CSF1R: variants seen among roughly 807,000 people sequenced by gnomAD.
CSF1R encodes the protein macrophage colony-stimulating factor 1 receptor.
CSF1R carries 40 observed loss-of-function variants against 110.0 expected under a neutral mutation model. The observed-to-expected ratio is 0.36, with a 90% confidence interval of 0.28 to 0.47. The LOEUF is 0.47. Ranked by LOEUF, CSF1R falls within the 20% of genes least tolerant of loss-of-function variation. The pLI is 0.99. For missense variants in CSF1R, 1,052 were observed against 1,253.0 expected (o/e 0.84, Z 2.42); for synonymous variants, 523 against 503.4 (o/e 1.04, Z -0.52).
chr5:150,085,665 G>A (rs138155992), intron 1 of CSF1R, among the ~76,000 whole-genome samples: 2 of 151,946 alleles, frequency 1.3e-5, no homozygotes, highest in East Asian at 3.9e-4. Flanking sequence ...CCCTCCTCTA[G>A]CCCTATACCT....
intron 6 of CSF1R, among the ~76,000 whole-genome samples, chr5:150,072,291 C>A (rs868223693): frequency 6.6e-6 from 1 of 152,048 alleles, no homozygotes; most frequent in Non-Finnish European, 1.5e-5. Flanking sequence ...GTCAGGAGTT[C>A]GAGACCAGCC....
chr5:150,059,760 T>C lies in CSF1R; in HGVS notation c.2072A>G (p.Gln691Arg), dbSNP rs564070549. Residue 691 changes from glutamine (Q) to arginine (R), a missense_variant, in exon 14 of 21, where the codon CAG (glutamine) becomes CGG (arginine). Gln to Arg is a conservative substitution (Grantham distance 43, BLOSUM62 1). This residue lies in a region of CSF1R where 124 missense variants were observed against 117.7 expected (regional missense o/e 1.05). Coordinates refer to ENST00000675795, the MANE Select transcript of CSF1R (RefSeq NM_001288705.3). ...ATAGTCGACGCCTCCCTCGGGGTCC[T>C]GGCCGGGGCTCAGGCTGGGTCCCAG... ...AMLGPSLSPG[Q>R]DPEGGVDYKN... 1 of 1,614,150 alleles carries C rather than the reference T, an allele frequency of 6.2e-7. No individual in the cohort carries two copies. The highest frequency in any genetic ancestry group is 1.1e-5 in the South Asian group (1 of 91,086).
chr5:150,090,966 G>A (rs149714038), upstream of CSF1R, among the ~76,000 whole-genome samples: 258 of 152,188 alleles, frequency 1.7e-3, no homozygotes, highest in African/African-American at 5.9e-3. Flanking sequence ...ATCTACTCCC[G>A]AGTCTAAAAT....
intron 14 of CSF1R, chr5:150,058,318 G>A (rs1484456131): frequency 2.2e-6 from 1 of 456,116 alleles, no homozygotes; most frequent in African/African-American, 2.0e-5. Flanking sequence ...CACTACTGTA[G>A]ACTGAAGCAC....
At chr5:150,099,798 A>G (rs1158641303) in intron 1 of CSF1R, among the ~76,000 whole-genome samples, 4 of 152,208 alleles carry the variant, frequency 2.6e-5, no homozygotes, top group African/African-American at 9.7e-5. Context: ...CATTGTGACA[A>G]TGATAAACAT....
At position 150,057,508 on chromosome 5, in the gene CSF1R, C is replaced by T. The variant is rs199915312; in HGVS notation, c.2217G>A (p.Glu739=). ...VSTSSNDSFS[E]QDLDKEDGRP... ...CTGGCCCTGGGACCTCCTCACCTTG[C>T]TCAGAGAAGGAGTCATTTGAAGAAG... Residue 739 remains glutamate, a synonymous_variant, in exon 15 of 21, where the codon GAG becomes GAA. Transcript: ENST00000675795. The T allele has an allele frequency of 3.7e-6, 6 of 1,614,030 alleles. No individual in the cohort carries two copies. Among genetic ancestry groups the T allele is most frequent in the Non-Finnish European group, 5.1e-6 (6 of 1,179,966 alleles).
chr5:150,101,828 C>A (rs1202082575), intron 1 of CSF1R, among the ~76,000 whole-genome samples: 1 of 152,006 alleles, frequency 6.6e-6, no homozygotes. Flanking sequence ...CTAGCATTTG[C>A]CTGGGCACAG....
At position 150,059,800 on chromosome 5, in the gene CSF1R, T is replaced by G. The variant is rs1316136594; in HGVS notation, c.2032A>C (p.Lys678Gln). The G allele has an allele frequency of 3.7e-6, 6 of 1,614,066 alleles. No individual in the cohort carries two copies. Among genetic ancestry groups the G allele is most frequent in the African/African-American group, 1.3e-5 (1 of 74,940 alleles). Residue 678 changes from lysine to glutamine, a missense_variant, in exon 14 of 21, where the codon AAG becomes CAG. By Grantham distance (53) the Lys-to-Gln change is moderately conservative. Transcript: ENST00000675795. ...YGDLLNFLRR[K>Q]AEAMLGPSLS... ...CTGGGTCCCAGCATGGCCTCAGCCT[T>G]CCTTCGCAGAAAGTTGAGCAGGTCG...
chr5:150,106,886 T>A (rs1420666379), intron 1 of CSF1R, among the ~76,000 whole-genome samples: 1 of 152,206 alleles, frequency 6.6e-6, no homozygotes, highest in Non-Finnish European at 1.5e-5. Context: ...CGTGGCTCCC[T>A]GAGTTTCCTG....
rs1238279505 is a variant in CSF1R, at chr5:150,105,382, ATATTT to A, written c.-181+7874_-181+7878del. Among the ~76,000 whole-genome samples, 165 of 82,786 alleles carry A rather than the reference ATATTT, an allele frequency of 2.0e-3. 3 individuals carry two copies. The highest frequency in any genetic ancestry group is 0.019 in the South Asian group (50 of 2,644). 54.3% of individuals were successfully genotyped at this position (82,786 alleles called of 152,430 possible). A position where few individuals can be genotyped will look rare whatever the true frequency, so the allele number is the denominator to read the frequency against. On this transcript the variant is annotated intron_variant, in intron 1 of 21. Transcript: ENST00000286301. ...AAAAAAAATATATATATATATATATATATTTTTTTTTTTTTAATAGAGGCGGGGTT... is the reference window on the plus strand; with the variant it reads ...AAAAAAAATATATATATATATATATATTTTTTTTTTAATAGAGGCGGGGTT...
chr5:150,054,831 T>A (rs1278706372), intron 19 of CSF1R: 1 of 233,180 alleles, frequency 4.3e-6, no homozygotes, highest in Non-Finnish European at 8.4e-6. Context: ...TACTAAAAAA[T>A]TTTTTAAAAA....
In CSF1R at chr5:150,069,365, C is replaced by T. The variant is rs114318211; in HGVS notation, c.1510+508G>A. 6.9e-3 allele frequency among the ~76,000 whole-genome samples: 1,046 copies of T among 152,260 alleles called. 15 individuals carry two copies. Among genetic ancestry groups the T allele is most frequent in the African/African-American group, 0.024 (998 of 41,542 alleles). On this transcript the variant is annotated intron_variant, in intron 9 of 20. Transcript: ENST00000675795. Reference sequence around the variant, plus strand: ...GTGCACAGGGCCGGGCATCATCCCCCGGGGCAGCCTCTTGCACAGCAACCT... The same window carrying T: ...GTGCACAGGGCCGGGCATCATCCCCTGGGGCAGCCTCTTGCACAGCAACCT...
intron 5 of CSF1R, among the ~76,000 whole-genome samples, chr5:150,074,186 G>A (rs1298907410): frequency 6.6e-6 from 1 of 152,100 alleles, no homozygotes; most frequent in Non-Finnish European, 1.5e-5. Context: ...CTGAACACCT[G>A]GATCCAAGTG....
chr5:150,084,007 C>T (rs1038784801), intron 1 of CSF1R, among the ~76,000 whole-genome samples: 1 of 152,088 alleles, frequency 6.6e-6, no homozygotes, highest in Non-Finnish European at 1.5e-5. Flanking sequence ...GTTTTTTTCT[C>T]GCCAGCATGT....
chr5:150,073,358 A>C lies in CSF1R; in HGVS notation c.1025T>G (p.Phe342Cys). Reference protein sequence around the residue: ...QGFNWTYLGPFSDHQPEPKLA... With the variant: ...QGFNWTYLGPCSDHQPEPKLA... ...CTTGGGCTCAGGCTGGTGGTCAGAA[A>C]AGGGTCCCAGGTAGGTCCAGTTAAA... The change falls in exon 6 of 21, where the codon TTT (phenylalanine) becomes TGT (cysteine). Residue 342 changes from phenylalanine (F) to cysteine (C), a missense_variant. This residue lies in a region of CSF1R where 693 missense variants were observed against 735.4 expected (regional missense o/e 0.94). Transcript: ENST00000675795. 4 of 1,613,972 alleles carry C rather than the reference A, an allele frequency of 2.5e-6. No homozygotes were observed. In the African/African-American group the frequency reaches 4.0e-5, roughly 16 times the overall value.
chr5:150,080,957 G>C lies in CSF1R; in HGVS notation c.117C>G (p.Thr39=). 6.2e-7 allele frequency: 1 copy of C among 1,614,148 alleles called. No individual in the cohort carries two copies. The highest frequency in any genetic ancestry group is 1.1e-5 in the South Asian group (1 of 91,078). The change falls in exon 2 of 21, where the codon ACC becomes ACG. Residue 39 remains threonine, a synonymous_variant. Coordinates refer to ENST00000675795, the MANE Select transcript of CSF1R (RefSeq NM_001288705.3). ...ELVVKPGATV[T]LRCVGNGSVE... Reference sequence around the variant, plus strand: ...CGCTGCCATTGCCCACACATCGCAAGGTCACCGTTGCTCCTGGCTTCACGA... The same window carrying C: ...CGCTGCCATTGCCCACACATCGCAACGTCACCGTTGCTCCTGGCTTCACGA...
intron 13 of CSF1R, 131 bp from the exon 14 acceptor site, chr5:150,059,993 G>T: frequency 9.5e-7 from 1 of 1,054,240 alleles, no homozygotes; most frequent in Non-Finnish European, 1.3e-6. Context: ...TCGGCTCTGT[G>T]AGCAAGTTTC....
chr5:150,086,874 G>C (rs139408361), upstream of CSF1R, among the ~76,000 whole-genome samples: 5 of 152,284 alleles, frequency 3.3e-5, no homozygotes, highest in Non-Finnish European at 4.4e-5. Flanking sequence ...GAGAAGTTAG[G>C]TTGCATGATA....
rs569481741 is a variant in CSF1R at position 150,073,441 on chromosome 5, G to A, written c.942C>T (p.Thr314=). Residue 314 remains threonine (T), a synonymous_variant, in exon 6 of 21, where the codon ACC becomes ACT. Coordinates refer to ENST00000675795, the MANE Select transcript of CSF1R (RefSeq NM_001288705.3). The part of the protein sequence containing the change: ...SSEQNLIQEV[T]VGEGLNLKVM... ...CTTTGAGGTTGAGCCCCTCCCCCAC[G>A]GTCACCTCCTGGATGAGGTTCTGCT... The A allele has an allele frequency of 1.4e-4, 219 of 1,614,004 alleles. 1 individual carries two copies. The highest frequency in any genetic ancestry group is 7.1e-4 in the East Asian group (32 of 44,888).
Sources: gnomAD v4.1 joint callset for allele counts (sites outside exome capture counted in the v4.1 genomes callset) on GRCh38, gnomAD v4.1.1 for gene constraint, gnomAD v4.1.1 regional missense constraint, MANE v1.5 for transcripts, NCBI Gene and HGNC (gene_info 2026-07-23, HGNC 2026-07-21) for gene names.